Variants in MCMBP observed in about 807,000 individuals in gnomAD.
The protein encoded by MCMBP is minichromosome maintenance complex binding protein, also known as mini-chromosome maintenance complex-binding protein.
A neutral mutation model predicts 81.3 loss-of-function variants in MCMBP; 31 were observed. The ratio of observed to expected loss-of-function variants is 0.38; its 90% CI spans 0.29 to 0.51. The LOEUF (loss-of-function observed/expected upper bound fraction) is 0.51. MCMBP is among the 20% of genes least tolerant of loss of function. The pLI, the probability that MCMBP is intolerant of heterozygous loss-of-function variation, is 0.87. For missense variants in MCMBP, 645 were observed against 772.1 expected, an observed-to-expected ratio of 0.84 and a Z score of 1.95; for synonymous variants, 267 against 275.9, an observed-to-expected ratio of 0.97 and a Z score of 0.32.
chr10:119,837,070 T>A, intron 12 of MCMBP, 41 bp from the exon 13 acceptor site: 1 of 1,597,544 alleles, frequency 6.3e-7, no homozygotes, highest in African/African-American at 1.3e-5. Context: ...TTGACTTTAA[T>A]CATCTAAACA....
chr10:119,868,494 G>A (rs1402891233), intron 1 of MCMBP, among the ~76,000 whole-genome samples: 1 of 152,172 alleles, frequency 6.6e-6, no homozygotes, highest in African/African-American at 2.4e-5. Flanking sequence ...CAACATTTCT[G>A]ATTAATCAGT....
chr10:119,831,246 A>G lies in MCMBP; in HGVS notation c.*228T>C. ...CAAATACTTTTTTTACATCATTACT[A>G]ATTTATATAATTATTATAAAACAAA... is the stretch of plus-strand genomic sequence containing the variant. On this transcript the variant is annotated 3_prime_UTR_variant, in exon 16 of 16. Transcript: ENST00000369077. 1 of 286,528 alleles carries G rather than the reference A, an allele frequency of 3.5e-6. No homozygotes were observed. The highest frequency in any genetic ancestry group is 6.4e-6 in the Non-Finnish European group (1 of 156,694). The allele number at this position is 286,528 out of a possible 1,614,324, so 17.7% of individuals were successfully genotyped here.
chr10:119,831,935 C>G, intron 15 of MCMBP, 77 bp downstream of exon 15: 1 of 1,354,482 alleles, frequency 7.4e-7, no homozygotes, highest in Non-Finnish European at 1.0e-6. Flanking sequence ...AGAATTCTGC[C>G]TCAGTTACTG....
rs1852479360 is a variant in MCMBP, at chr10:119,842,779, T to C, written c.1001-184A>G. 29 of 600,024 alleles carry C rather than the reference T, an allele frequency of 4.8e-5. No individual in the cohort carries two copies. The South Asian group carries it at 5.6e-4, about 12-fold the overall frequency. The allele number at this position is 600,024 out of a possible 1,614,324, so 37.2% of individuals were successfully genotyped here. On this transcript the variant is annotated intron_variant, in intron 9 of 15. Transcript: ENST00000369077. ...AGTTTGCATCCTCCTTTTTTTTTTTTTTGAGACCAAGTTTTGCTCTTTTTG... is the reference window on the plus strand; with the variant it reads ...AGTTTGCATCCTCCTTTTTTTTTTTCTTGAGACCAAGTTTTGCTCTTTTTG...
At chr10:119,854,386 T>C (rs966093218) in intron 5 of MCMBP, among the ~76,000 whole-genome samples, 2 of 151,542 alleles carry the variant, frequency 1.3e-5, no homozygotes, top group Non-Finnish European at 2.9e-5. Flanking sequence ...AAAAATTCTA[T>C]ATCCAATGAA....
At chr10:119,842,406 T>C in intron 10 of MCMBP, 66 bp downstream of exon 10, 1 of 1,535,546 alleles carries the variant, frequency 6.5e-7, no homozygotes, top group South Asian at 1.3e-5. Flanking sequence ...ACACCAGCAA[T>C]CTTCCCGCTC....
chr10:119,872,467 GC>G, intron 1 of MCMBP, 59 bp downstream of exon 1: 20 of 1,064,642 alleles, frequency 1.9e-5, no homozygotes, highest in Non-Finnish European at 2.2e-5. Context: ...GCGGGGCCCT[GC>G]CCCGGGGCCC....
chr10:119,829,607 C>T lies in MCMBP; in HGVS notation c.*1867G>A, dbSNP rs1380804585. On this transcript the variant is annotated 3_prime_UTR_variant, in exon 16 of 16. Coordinates refer to ENST00000369077, the MANE Select transcript of MCMBP (RefSeq NM_001256378.2). Reference sequence around the variant, plus strand: ...TATATAGGTGAGGGACAAAGGGTTTCTGCAGCCAAGCACTGCACTCCATTC... The same window carrying T: ...TATATAGGTGAGGGACAAAGGGTTTTTGCAGCCAAGCACTGCACTCCATTC... 2 of 152,238 alleles carry T rather than the reference C, an allele frequency of 1.3e-5. No homozygotes were observed. The highest frequency in any genetic ancestry group is 3.8e-4 in the East Asian group (2 of 5,196). 9.4% of individuals were successfully genotyped at this position (152,238 alleles called of 1,614,324 possible). A position where few individuals can be genotyped will look rare whatever the true frequency, so the allele number is the denominator to read the frequency against.
At position 119,842,559 on chromosome 10, in the gene MCMBP, C is replaced by T; in HGVS notation, c.1037G>A (p.Arg346Lys). The part of the protein sequence containing the change: ...SSFMSELSPV[R>K]AELLGFLTHA... ...AGTAAGGAACCCAAGAAGTTCTGCT[C>T]TGACTGGAGACAATTCGGACATGAA... Residue 346 changes from arginine (R) to lysine (K), a missense_variant, in exon 10 of 16, where the codon AGA becomes AAA. Physicochemically the swap from Arg to Lys is conservative, Grantham distance 26. Coordinates refer to ENST00000369077, the MANE Select transcript of MCMBP (RefSeq NM_001256378.2). The T allele has an allele frequency of 6.2e-7, 1 of 1,613,822 alleles. No homozygotes were observed. Among genetic ancestry groups the T allele is most frequent in the Non-Finnish European group, 8.5e-7 (1 of 1,179,854 alleles).
intron 6 of MCMBP, among the ~76,000 whole-genome samples, chr10:119,850,872 C>CTTTCTTTTTTTTTTTT (rs760381867): frequency 7.5e-6 from 1 of 134,166 alleles, no homozygotes; most frequent in Non-Finnish European, 1.6e-5. Flanking sequence ...TATACAAGAT[C>CTTTCTTTTTTTTTTTT]TGTTTTTTTT....
intron 1 of MCMBP, among the ~76,000 whole-genome samples, chr10:119,860,444 A>C (rs1853210434): frequency 6.6e-6 from 1 of 152,162 alleles, no homozygotes; most frequent in Non-Finnish European, 1.5e-5. Flanking sequence ...TTGCCTACAA[A>C]TATTTCAGCG....
intron 6 of MCMBP, 110 bp downstream of exon 6, chr10:119,852,940 G>A: frequency 1.5e-6 from 2 of 1,326,212 alleles, no homozygotes; most frequent in Non-Finnish European, 2.1e-6. Flanking sequence ...CTGTAACTCT[G>A]ATAAATTGCC....
rs145283361 is a variant in MCMBP, at chr10:119,864,129, C to T, written c.59-4245G>A. ...CAACTCGACTTGTTGTCTTTGAAAA[C>T]GGAAGGGGGCCACAAGCCAAGAAAT... On this transcript the variant is annotated intron_variant, in intron 1 of 15. Transcript: ENST00000369077. 3.1e-3 allele frequency among the ~76,000 whole-genome samples: 471 copies of T among 152,080 alleles called. 2 individuals carry two copies. Among genetic ancestry groups the T allele is most frequent in the African/African-American group, 0.011 (447 of 41,464 alleles).
At chr10:119,848,417 G>C (rs1256693970) in intron 7 of MCMBP, among the ~76,000 whole-genome samples, 1 of 152,108 alleles carries the variant, frequency 6.6e-6, no homozygotes, top group African/African-American at 2.4e-5. Context: ...TTCGAGACCA[G>C]CCTGGCCAAC....
At chr10:119,842,414 C>G (rs1188457505) in intron 10 of MCMBP, 58 bp downstream of exon 10, 1 of 1,554,570 alleles carries the variant, frequency 6.4e-7, no homozygotes, top group East Asian at 2.3e-5. Flanking sequence ...AATCTTCCCG[C>G]TCTTCCACTT....
At position 119,830,299 on chromosome 10, in the gene MCMBP, C is replaced by A. The variant is rs1283269053; in HGVS notation, c.*1175G>T. 6.6e-6 allele frequency: 1 copy of A among 152,574 alleles called. No homozygotes were observed. The highest frequency in any genetic ancestry group is 6.5e-5 in the Admixed American group (1 of 15,288). The allele number at this position is 152,574 out of a possible 1,614,324, so 9.5% of individuals were successfully genotyped here. A position where few individuals can be genotyped will look rare whatever the true frequency, so the allele number is the denominator to read the frequency against. On this transcript the variant is annotated 3_prime_UTR_variant, in exon 16 of 16. Coordinates refer to ENST00000369077, the MANE Select transcript of MCMBP (RefSeq NM_001256378.2). ...GACAGCTTAAAAAGTAATGTCCTAACCTTTCTGAAGATTCTGGTTGCCATA... is the reference window on the plus strand; with the variant it reads ...GACAGCTTAAAAAGTAATGTCCTAAACTTTCTGAAGATTCTGGTTGCCATA...
chr10:119,853,290 T>A, intron 5 of MCMBP, 96 bp from the exon 6 acceptor site: 1 of 1,306,786 alleles, frequency 7.7e-7, no homozygotes, highest in Non-Finnish European at 1.1e-6. Context: ...AGTTTGGCAA[T>A]TCAGTTAAAA....
chr10:119,832,843 C>T (rs561220756), intron 14 of MCMBP, among the ~76,000 whole-genome samples: 8 of 152,270 alleles, frequency 5.3e-5, no homozygotes, highest in Non-Finnish European at 1.2e-4. Flanking sequence ...GTAACAGCTG[C>T]GGCAGACAGA....
At chr10:119,870,308 G>A (rs1350380986) in intron 1 of MCMBP, among the ~76,000 whole-genome samples, 9 of 152,128 alleles carry the variant, frequency 5.9e-5, no homozygotes, top group African/African-American at 1.9e-4. Context: ...TTAGCCGGGC[G>A]TGGTGGCGCG....
Sources: allele counts gnomAD v4.1 joint callset (sites outside exome capture counted in the v4.1 genomes callset), GRCh38; gene constraint gnomAD v4.1.1; transcripts MANE v1.5; gene names NCBI Gene and HGNC (gene_info 2026-07-23, HGNC 2026-07-21).